Variants in HOXA3 observed in about 807,000 individuals in gnomAD.
HOXA3 encodes the protein homeobox A3.
HOXA3 carries 8 observed loss-of-function variants against 30.3 expected under a neutral mutation model. That is an observed-to-expected ratio of 0.26 (90% CI 0.15 to 0.48). The LOEUF is 0.48. HOXA3 is among the 20% of genes least tolerant of loss of function. The probability of loss-of-function intolerance (pLI) is 0.99; values close to 1 mark genes in which losing one functional copy is unlikely to be tolerated. For missense variants in HOXA3, 653 were observed against 614.4 expected, an observed-to-expected ratio of 1.06 and a Z score of -0.66; for synonymous variants, 323 against 273.1, an observed-to-expected ratio of 1.18 and a Z score of -1.80.
intron 4 of HOXA3, among the ~76,000 whole-genome samples, chr7:27,120,536 C>CAAAAAA (rs5883061): frequency 1.2e-5 from 1 of 84,252 alleles, no homozygotes; most frequent in Non-Finnish European, 2.3e-5. Context: ...GCGACTCTGT[C>CAAAAAA]AAAAAAAAAA....
chr7:27,108,512 C>T lies in HOXA3; in HGVS notation c.735G>A (p.Lys245=). 6.2e-7 allele frequency: 1 copy of T among 1,614,134 alleles called. No homozygotes were observed. Among genetic ancestry groups the T allele is most frequent in the Non-Finnish European group, 8.5e-7 (1 of 1,179,992 alleles). ...CCTTGCCCTTCTGATCCTTTTTGTA[C>T]TTCATGCGGCGATTCTGGAACCAGA... ...IKIWFQNRRM[K]YKKDQKGKGM... is the part of the protein sequence containing the mutation. The change falls in exon 6 of 6, where the codon AAG becomes AAA. Residue 245 remains lysine, a synonymous_variant. Transcript: ENST00000612286. This position sits in a 1 kb window ranked among gnomAD's most constrained non-coding sequence, Gnocchi z 5.0.
chr7:27,129,012 A>G (rs1209619265), intron 2 of HOXA3: 4 of 609,388 alleles, frequency 6.6e-6, no homozygotes, highest in Non-Finnish European at 8.8e-6. Flanking sequence ...TTGTTCCACC[A>G]GCCAGCATCC....
intron 5 of HOXA3, 187 bp downstream of exon 5, chr7:27,109,928 A>G: frequency 1.5e-6 from 1 of 664,836 alleles, no homozygotes; most frequent in Non-Finnish European, 2.6e-6. Flanking sequence ...GGTGTTTTCC[A>G]GCCTACAGAG....
chr7:27,108,377 C>A lies in HOXA3; in HGVS notation c.870G>T (p.Glu290Asp). Reference protein sequence around the residue: ...MHSLVNSVPYEPQSPPPFSKP... With the variant: ...MHSLVNSVPYDPQSPPPFSKP... Reference sequence around the variant, plus strand: ...TGGAGAAGGGCGGGGGCGACTGGGGCTCATACGGGACGCTGTTGACCAGCG... The same window carrying A: ...TGGAGAAGGGCGGGGGCGACTGGGGATCATACGGGACGCTGTTGACCAGCG... The change falls in exon 6 of 6, where the codon GAG becomes GAT. Residue 290 changes from glutamate (E) to aspartate (D), a missense_variant. This residue lies in a region of HOXA3 where 330 missense variants were observed against 274.4 expected (regional missense o/e 1.20). Transcript: ENST00000612286. This position sits in a 1 kb window ranked among gnomAD's most constrained non-coding sequence, Gnocchi z 5.0. 1.3e-6 allele frequency: 2 copies of A among 1,580,744 alleles called. No individual in the cohort carries two copies. The highest frequency in any genetic ancestry group is 2.3e-5 in the South Asian group (2 of 87,620).
chr7:27,143,026 T>C (rs774133906), intron 1 of HOXA3: 17 of 1,496,648 alleles, frequency 1.1e-5, no homozygotes, highest in African/African-American at 5.8e-5. Flanking sequence ...CGCGTGGATT[T>C]AGAAAAAGGC....
chr7:27,135,200 G>A lies in HOXA3; in HGVS notation c.-390+4883C>T, dbSNP rs182450279. Among the ~76,000 whole-genome samples, 11 of 149,440 alleles carry A rather than the reference G, an allele frequency of 7.4e-5. No individual in the cohort carries two copies. The South Asian group carries it at 8.5e-4, about 12-fold the overall frequency. Reference sequence around the variant, plus strand: ...CCTTGGCTTTTTTTTTTAATTCCACGTGTATCATTAAAAAGTACATTCTGA... The same window carrying A: ...CCTTGGCTTTTTTTTTTAATTCCACATGTATCATTAAAAAGTACATTCTGA... On this transcript the variant is annotated intron_variant, in intron 2 of 5. Transcript: ENST00000612286.
chr7:27,127,524 C>A (rs1785336207), intron 2 of HOXA3, among the ~76,000 whole-genome samples: 1 of 152,160 alleles, frequency 6.6e-6, no homozygotes, highest in African/African-American at 2.4e-5. Flanking sequence ...GCACTTACTC[C>A]CATCTATGCT....
At position 27,147,872 on chromosome 7, in the gene HOXA3, G is replaced by T. The variant is rs534617108; in HGVS notation, c.-494+4416C>A. 9 of 906,680 alleles carry T rather than the reference G, an allele frequency of 9.9e-6. No homozygotes were observed. In the East Asian group the frequency reaches 1.1e-4, roughly 11 times the overall value. 56.2% of individuals were successfully genotyped at this position (906,680 alleles called of 1,614,324 possible). On this transcript the variant is annotated intron_variant, in intron 1 of 5. Coordinates refer to ENST00000612286, the MANE Select transcript of HOXA3 (RefSeq NM_153631.3). Reference sequence around the variant, plus strand: ...ACGCCAAAAGCGACAGCAGCAAATCGCACCAGCTGACGCGGCGGCGGCCAA... The same window carrying T: ...ACGCCAAAAGCGACAGCAGCAAATCTCACCAGCTGACGCGGCGGCGGCCAA...
chr7:27,110,341 A>AG lies in HOXA3; in HGVS notation c.299dup (p.Ala101CysfsTer132), dbSNP rs1337190497. 3 of 1,222,930 alleles carry AG rather than the reference A, an allele frequency of 2.5e-6. No homozygotes were observed. The highest frequency in any genetic ancestry group is 3.0e-5 in the Admixed American group (1 of 32,936). The allele number at this position is 1,222,930 out of a possible 1,614,324, so 75.8% of individuals were successfully genotyped here. ...GTGCGGGCTGAGGCGGCTGTGGGGC[A>AG]GGGGGCGCGGCCTGGGGCGGCGGCG... On this transcript the variant is annotated frameshift_variant, in exon 5 of 6. Coordinates refer to ENST00000612286, the MANE Select transcript of HOXA3 (RefSeq NM_153631.3). LOFTEE classifies it high-confidence loss of function.
chr7:27,142,675 A>G (rs1782613538), intron 1 of HOXA3: 1 of 253,566 alleles, frequency 3.9e-6, no homozygotes, highest in Non-Finnish European at 7.4e-6. Flanking sequence ...CCTCCTCATA[A>G]ATTATCCGCC....
At chr7:27,151,905 G>A (rs1782984120) in intron 1 of HOXA3, among the ~76,000 whole-genome samples, 2 of 152,164 alleles carry the variant, frequency 1.3e-5, no homozygotes, top group African/African-American at 2.4e-5. Flanking sequence ...AAGGGCTGGC[G>A]GGGAACACAG....
In HOXA3 at chr7:27,108,012, G is replaced by A. The variant is rs545309894; in HGVS notation, c.1235C>T (p.Pro412Leu). The change falls in exon 6 of 6, where the codon CCG (proline) becomes CTG (leucine). Residue 412 changes from proline (P) to leucine (L), a missense_variant. By Grantham distance (98) the Pro-to-Leu change is moderately conservative. This residue lies in a region of HOXA3 where 330 missense variants were observed against 274.4 expected (regional missense o/e 1.20). Transcript: ENST00000612286. The surrounding 1 kb of genome is among the most constrained non-coding windows in gnomAD (Gnocchi z 5.0). The stretch of plus-strand genomic sequence containing the variant: ...GGTGGGGTGCGGCTCCCCAGGCCCC[G>A]GCCCGTGGTGGTGGCCGCTGCCCAG... ...GPLGSGHHHGPGPGEPHPTYT... is the reference protein window; with the variant it reads ...GPLGSGHHHGLGPGEPHPTYT... 411 of 1,612,648 alleles carry A rather than the reference G, an allele frequency of 2.5e-4. 6 individuals carry two copies. In the South Asian group the frequency reaches 4.4e-3, roughly 17 times the overall value.
chr7:27,147,688 A>G lies in HOXA3; in HGVS notation c.-494+4600T>C, dbSNP rs762909337. ...CTGGTAGAGGGGCAGCTGGCCCAAG[A>G]AGGAGTCCTGGCCGCTGGGAAGGCT... On this transcript the variant is annotated intron_variant, in intron 1 of 5. Coordinates refer to ENST00000612286, the MANE Select transcript of HOXA3 (RefSeq NM_153631.3). 33 of 1,613,754 alleles carry G rather than the reference A, an allele frequency of 2.0e-5. No homozygotes were observed. In the East Asian group the frequency reaches 3.3e-4, roughly 16 times the overall value.
chr7:27,143,371 C>T (rs1420866914), intron 1 of HOXA3: 4 of 1,588,292 alleles, frequency 2.5e-6, no homozygotes, highest in South Asian at 1.1e-5. Context: ...CGGCGGGCGC[C>T]GCGCTGGCGC....
At chr7:27,130,635 G>C (rs1487752905) in intron 2 of HOXA3, 2 of 1,586,640 alleles carry the variant, frequency 1.3e-6, no homozygotes, top group Middle Eastern at 1.7e-4. Context: ...CCGGGCCGCC[G>C]TCTGCGCCGC....
rs1784142336 is a variant in HOXA3, at chr7:27,108,288, G to A, written c.959C>T (p.Ala320Val). ...GCGCTTCTGTGGGGGTGGCGGGGGT[G>A]CGCAGCTGGGCAGGGACGCAGGGTA... ...ASYPASLPSC[A>V]PPPPPQKRYT... The change falls in exon 6 of 6, where the codon GCA (alanine) becomes GTA (valine). Residue 320 changes from alanine to valine, a missense_variant. Physicochemically the swap from Ala to Val is moderately conservative, Grantham distance 64. Coordinates refer to ENST00000612286, the MANE Select transcript of HOXA3 (RefSeq NM_153631.3). The surrounding 1 kb of genome is among the most constrained non-coding windows in gnomAD (Gnocchi z 5.0). 1 of 1,518,730 alleles carries A rather than the reference G, an allele frequency of 6.6e-7. No individual in the cohort carries two copies. Among genetic ancestry groups the A allele is most frequent in the South Asian group, 1.3e-5 (1 of 77,694 alleles). 94.1% of individuals were successfully genotyped at this position (1,518,730 alleles called of 1,614,324 possible). A position where few individuals can be genotyped will look rare whatever the true frequency, so the allele number is the denominator to read the frequency against.
rs1203416447 is a variant in HOXA3, at chr7:27,152,335, C to T, written c.-541G>A. Reference sequence around the variant, plus strand: ...GCTCCTGCCCCTCTGACAGCTGTCGCTTGGGCAGCCCGAGAGAAGAATTGT... The same window carrying T: ...GCTCCTGCCCCTCTGACAGCTGTCGTTTGGGCAGCCCGAGAGAAGAATTGT... On this transcript the variant is annotated 5_prime_UTR_variant, in exon 1 of 6. Transcript: ENST00000612286. 3.2e-6 allele frequency: 4 copies of T among 1,257,812 alleles called. No individual in the cohort carries two copies. In the East Asian group the frequency reaches 1.9e-4, roughly 58 times the overall value. The allele number at this position is 1,257,812 out of a possible 1,614,324, so 77.9% of individuals were successfully genotyped here.
At chr7:27,109,896 G>T in intron 5 of HOXA3, 1 of 604,582 alleles carries the variant, frequency 1.7e-6, no homozygotes, top group Non-Finnish European at 2.9e-6. Flanking sequence ...GAGAAGTCCA[G>T]AGGGACTCCC....
intron 1 of HOXA3, chr7:27,142,838 G>A: frequency 7.6e-6 from 4 of 524,880 alleles, no homozygotes; most frequent in Non-Finnish European, 1.3e-5. Context: ...CCCAGAGAAC[G>A]CCCATTTCCC....
Sources: allele counts gnomAD v4.1 joint callset (sites outside exome capture counted in the v4.1 genomes callset), GRCh38; gene constraint gnomAD v4.1.1; regional missense constraint gnomAD v4.1.1; non-coding constraint Gnocchi (gnomAD v3.1); transcripts MANE v1.5; gene names NCBI Gene and HGNC (gene_info 2026-07-23, HGNC 2026-07-21).